FBRSL1: variants seen among roughly 807,000 people sequenced by gnomAD.
The protein encoded by FBRSL1 is fibrosin like 1.
FBRSL1 carries 51 observed loss-of-function variants against 89.6 expected under a neutral mutation model. That is an observed-to-expected ratio of 0.57 (90% CI 0.45 to 0.72). FBRSL1 has a LOEUF of 0.72. Ranked by LOEUF, FBRSL1 falls within the 30% of genes least tolerant of loss-of-function variation. The probability of loss-of-function intolerance (pLI) is 0.00; values close to 1 mark genes in which losing one functional copy is unlikely to be tolerated. For synonymous variants in FBRSL1, 779 were observed against 681.1 expected (o/e 1.14, Z -2.24); for missense variants, 1,618 against 1,451.8 (o/e 1.11, Z -1.86).
intron 11 of FBRSL1, among the ~76,000 whole-genome samples, chr12:132,572,962 G>T (rs1027382067): frequency 6.6e-6 from 1 of 152,208 alleles, no homozygotes; most frequent in African/African-American, 2.4e-5. Context: ...CGTCCTTACC[G>T]CAAGGAGGTT....
chr12:132,557,487 G>GCGGGGCT (rs148948630), intron 5 of FBRSL1, among the ~76,000 whole-genome samples: 2 of 152,318 alleles, frequency 1.3e-5, no homozygotes, highest in East Asian at 1.9e-4. Context: ...GGGCTGTGGG[G>GCGGGGCT]CGGGGCTCGG....
chr12:132,510,272 C>G (rs912399820), intron 2 of FBRSL1: 3 of 1,230,336 alleles, frequency 2.4e-6, no homozygotes, highest in Admixed American at 8.4e-5. Flanking sequence ...GCCGGCCTCT[C>G]CTGGGGCTCC....
chr12:132,573,136 TC>T (rs1484911375), intron 11 of FBRSL1, among the ~76,000 whole-genome samples: 4 of 152,196 alleles, frequency 2.6e-5, no homozygotes, highest in Non-Finnish European at 5.9e-5. Context: ...TCCTCACTGT[TC>T]CTGGCCTTGT....
chr12:132,582,211 T>A lies in FBRSL1; in HGVS notation c.2146T>A (p.Ser716Thr). 2 of 1,550,168 alleles carry A rather than the reference T, an allele frequency of 1.3e-6. No homozygotes were observed. The highest frequency in any genetic ancestry group is 1.7e-6 in the Non-Finnish European group (2 of 1,146,880). ...CAAGTCCGTGGACGCGGAGCGGGTG[T>A]CAGCCCTGACCAACCATGACCGAGA... ...WPKSVDAERV[S>T]ALTNHDREPD... is the part of the protein sequence containing the mutation. Residue 716 changes from serine (S) to threonine (T), a missense_variant, in exon 18 of 19, where the codon TCA becomes ACA. Transcript: ENST00000680143.
At chr12:132,576,658 G>A in intron 14 of FBRSL1, 141 bp from the exon 15 acceptor site, 3 of 970,116 alleles carry the variant, frequency 3.1e-6, no homozygotes, top group Non-Finnish European at 4.5e-6. Flanking sequence ...CCTGAGTAGA[G>A]AATACACCCT....
chr12:132,570,126 A>C lies in FBRSL1; in HGVS notation c.892A>C (p.Thr298Pro), dbSNP rs963013936. ...KKEPPAPHRHTPQPPPPQPRG... is the reference protein window; with the variant it reads ...KKEPPAPHRHPPQPPPPQPRG... The stretch of plus-strand genomic sequence containing the variant: ...GGAACCCCCCGCCCCGCACCGCCAC[A>C]CCCCGCAGCCGCCACCCCCGCAGCC... Residue 298 changes from threonine to proline, a missense_variant, in exon 7 of 19, where the codon ACC (threonine) becomes CCC (proline). Physicochemically the swap from Thr to Pro is conservative, Grantham distance 38. Coordinates refer to ENST00000680143, the MANE Select transcript of FBRSL1 (RefSeq NM_001367871.1). 3 of 1,473,326 alleles carry C rather than the reference A, an allele frequency of 2.0e-6. No homozygotes were observed. Among genetic ancestry groups the C allele is most frequent in the African/African-American group, 3.0e-5 (2 of 66,742 alleles). 91.3% of individuals were successfully genotyped at this position (1,473,326 alleles called of 1,614,324 possible).
At chr12:132,568,315 C>G (rs538148275) in intron 6 of FBRSL1, among the ~76,000 whole-genome samples, 2 of 152,368 alleles carry the variant, frequency 1.3e-5, no homozygotes, top group Non-Finnish European at 2.9e-5. Context: ...CAGGACAGGC[C>G]CTGCCAATGC....
At chr12:132,525,936 A>G in intron 3 of FBRSL1, 113 bp downstream of exon 3, 1 of 849,554 alleles carries the variant, frequency 1.2e-6, no homozygotes. Flanking sequence ...TGTGCCCTGC[A>G]CAAGGGCGTC....
At chr12:132,507,857 G>A (rs565115212) in intron 1 of FBRSL1, among the ~76,000 whole-genome samples, 1 of 152,216 alleles carries the variant, frequency 6.6e-6, no homozygotes, top group African/African-American at 2.4e-5. Context: ...GGCAGCCCTG[G>A]GCTGGCCTCC....
At chr12:132,580,538 G>A (rs1268145053) in intron 15 of FBRSL1, among the ~76,000 whole-genome samples, 2 of 152,198 alleles carry the variant, frequency 1.3e-5, no homozygotes, top group Non-Finnish European at 2.9e-5. Context: ...GGGCATTTGA[G>A]GCAGTGTACT....
At chr12:132,506,435 G>A (rs2033692807) in intron 1 of FBRSL1, among the ~76,000 whole-genome samples, 1 of 152,178 alleles carries the variant, frequency 6.6e-6, no homozygotes, top group Non-Finnish European at 1.5e-5. Context: ...ACCCGGTCCC[G>A]CCTCCTCAGA....
At chr12:132,547,755 C>T (rs1593438367) in intron 4 of FBRSL1, among the ~76,000 whole-genome samples, 1 of 152,210 alleles carries the variant, frequency 6.6e-6, no homozygotes, top group South Asian at 2.1e-4. Flanking sequence ...GCTGGCTAGT[C>T]GGCCTGGCTG....
At chr12:132,510,746 GC>G in intron 2 of FBRSL1, 1 of 1,194,490 alleles carries the variant, frequency 8.4e-7, no homozygotes, top group Non-Finnish European at 1.0e-6. Flanking sequence ...GCGTCACAGT[GC>G]CCCCACCCGC....
intron 6 of FBRSL1, among the ~76,000 whole-genome samples, chr12:132,569,714 C>T (rs1036779545): frequency 6.6e-6 from 1 of 152,190 alleles, no homozygotes; most frequent in Admixed American, 6.5e-5. Flanking sequence ...CCCAGGCTCC[C>T]AAGCCAGCTC....
Position 132,490,860 on chromosome 12 carries a change from A to G in FBRSL1, c.290A>G (p.Glu97Gly). ...IASFSTLEAL[E>G]KDMALKPHER... is the part of the protein sequence containing the mutation. The stretch of plus-strand genomic sequence containing the variant: ...AGCTTCAGCACCCTGGAGGCCCTGG[A>G]GGTAGGTGGACGGGTGCGGCTTCGC... Residue 97 changes from glutamate to glycine, a missense_variant and splice_region_variant, in exon 1 of 19, where the codon GAG becomes GGG. Glu to Gly is a moderately conservative substitution (Grantham distance 98, BLOSUM62 -2). Coordinates refer to ENST00000680143, the MANE Select transcript of FBRSL1 (RefSeq NM_001367871.1). The G allele has an allele frequency of 7.2e-7, 1 of 1,395,002 alleles. No individual in the cohort carries two copies. Among genetic ancestry groups the G allele is most frequent in the Admixed American group, 2.9e-5 (1 of 34,390 alleles). The allele number at this position is 1,395,002 out of a possible 1,614,324, so 86.4% of individuals were successfully genotyped here.
Position 132,490,472 on chromosome 12 carries a change from C to T in FBRSL1, c.-99C>T, listed in dbSNP as rs2136273291. 1.2e-6 allele frequency: 1 copy of T among 846,624 alleles called. No homozygotes were observed. Among genetic ancestry groups the T allele is most frequent in the East Asian group, 1.3e-4 (1 of 7,896 alleles). The allele number at this position is 846,624 out of a possible 1,614,324, so 52.4% of individuals were successfully genotyped here. ...CCAGGGCCCGAGCCCGCGCGGCGCA[C>T]ACTCAGCCCGGCGGCGCCGCGTAGC... On this transcript the variant is annotated 5_prime_UTR_variant, in exon 1 of 19. Transcript: ENST00000680143.
intron 2 of FBRSL1, among the ~76,000 whole-genome samples, chr12:132,512,410 G>A (rs994462426): frequency 6.6e-6 from 1 of 152,260 alleles, no homozygotes; most frequent in African/African-American, 2.4e-5. Context: ...GCATGGAGGG[G>A]CCGAGTCCTG....
chr12:132,491,731 C>T (rs964000483), intron 1 of FBRSL1, among the ~76,000 whole-genome samples: 7 of 152,270 alleles, frequency 4.6e-5, no homozygotes, highest in Admixed American at 3.9e-4. Flanking sequence ...GAGATGCCTA[C>T]TGCAGGCCCC....
intron 1 of FBRSL1, among the ~76,000 whole-genome samples, chr12:132,493,362 G>T (rs1264832135): frequency 6.6e-6 from 1 of 152,240 alleles, no homozygotes; most frequent in Non-Finnish European, 1.5e-5. Flanking sequence ...AACCCCAGAG[G>T]CTGGCTTGTG....
Sources: allele counts gnomAD v4.1 joint callset (sites outside exome capture counted in the v4.1 genomes callset), GRCh38; gene constraint gnomAD v4.1.1; transcripts MANE v1.5; gene names NCBI Gene and HGNC (gene_info 2026-07-23, HGNC 2026-07-21).